The following AGPS variants were observed in gnomAD, a reference collection of about 807,000 sequenced individuals.
The protein encoded by AGPS is alkylglycerone phosphate synthase, also known as alkyldihydroxyacetonephosphate synthase, peroxisomal.
Under a neutral mutation model 90.7 loss-of-function variants are expected in AGPS, and 26 were observed. The ratio of observed to expected loss-of-function variants is 0.29; its 90% CI spans 0.21 to 0.40. The LOEUF (loss-of-function observed/expected upper bound fraction) is 0.40, where lower values mean the gene tolerates loss of function less well. Ranked by LOEUF, AGPS falls within the 10% of genes least tolerant of loss-of-function variation. AGPS has a pLI of 1.00. For missense variants in AGPS, 540 were observed against 816.1 expected (o/e 0.66, Z 4.12); for synonymous variants, 294 against 285.3 (o/e 1.03, Z -0.31).
intron 11 of AGPS, among the ~76,000 whole-genome samples, chr2:177,482,452 A>G (rs1687972857): frequency 6.6e-6 from 1 of 151,948 alleles, no homozygotes; most frequent in Non-Finnish European, 1.5e-5. Flanking sequence ...AAGCCAAGGT[A>G]AGATAGTACT....
chr2:177,442,514 A>C, intron 7 of AGPS, 28 bp downstream of exon 7: 1 of 1,529,970 alleles, frequency 6.5e-7, no homozygotes, highest in Non-Finnish European at 9.1e-7. Context: ...ATATATTTAA[A>C]ACATTTTCTT....
chr2:177,400,153 T>G (rs960296854), intron 1 of AGPS, among the ~76,000 whole-genome samples: 7 of 152,230 alleles, frequency 4.6e-5, no homozygotes, highest in Non-Finnish European at 8.8e-5. Flanking sequence ...TTACTTTTCT[T>G]AAGTACATCA....
intron 17 of AGPS, among the ~76,000 whole-genome samples, chr2:177,520,546 ATG>A (rs1352651452): frequency 6.6e-6 from 1 of 152,180 alleles, no homozygotes; most frequent in Non-Finnish European, 1.5e-5. Flanking sequence ...GCAGTACAAA[ATG>A]TAGTTTTCAC....
chr2:177,432,282 T>C (rs991571232), intron 2 of AGPS, among the ~76,000 whole-genome samples: 34 of 152,386 alleles, frequency 2.2e-4, no homozygotes, highest in Middle Eastern at 3.4e-3. Context: ...TCTCACCTTA[T>C]ATTTTACAAC....
chr2:177,395,565 G>A (rs1360389938), intron 1 of AGPS, among the ~76,000 whole-genome samples: 1 of 152,248 alleles, frequency 6.6e-6, no homozygotes, highest in Non-Finnish European at 1.5e-5. Context: ...AGGAACCCAA[G>A]TCTCCCTTCT....
At chr2:177,397,446 G>T (rs1383500163) in intron 1 of AGPS, among the ~76,000 whole-genome samples, 1 of 148,480 alleles carries the variant, frequency 6.7e-6, no homozygotes, top group Non-Finnish European at 1.5e-5. Context: ...ACACTTTTAC[G>T]TCTTGGTTTT....
chr2:177,517,225 ATATATAT>A (rs1236193789), intron 17 of AGPS, among the ~76,000 whole-genome samples: 1 of 152,130 alleles, frequency 6.6e-6, no homozygotes, highest in South Asian at 2.1e-4. Flanking sequence ...GAAAGCTCAG[ATATATAT>A]TATATATATG....
In AGPS at chr2:177,540,804, A is replaced by G. The variant is rs377185256; in HGVS notation, c.*2609A>G. The G allele has an allele frequency of 3.3e-5, 5 of 152,240 alleles. No homozygotes were observed. The highest frequency in any genetic ancestry group is 1.2e-4 in the African/African-American group (5 of 41,568). 9.4% of individuals were successfully genotyped at this position (152,240 alleles called of 1,614,324 possible). A position where few individuals can be genotyped will look rare whatever the true frequency, so the allele number is the denominator to read the frequency against. ...CATTTGGGTTGGGGTTTCAGTGGGA[A>G]TAGTAACTTGCCGCTAGTGAGAAAT... On this transcript the variant is annotated 3_prime_UTR_variant, in exon 20 of 20. Transcript: ENST00000264167.
Position 177,538,241 on chromosome 2 carries a change from TTTCAACTGTGG to T in AGPS, c.*49_*59del. The T allele has an allele frequency of 6.3e-7, 1 of 1,580,732 alleles. No homozygotes were observed. On this transcript the variant is annotated 3_prime_UTR_variant, in exon 20 of 20. Transcript: ENST00000264167. ...AAAAATGTCAATTTTTTTTTTAAGT[TTTCAACTGTGG>T]TTATACTAGTAATCAAATATATCAT...
At chr2:177,517,499 C>G (rs1039049593) in intron 17 of AGPS, among the ~76,000 whole-genome samples, 1 of 152,024 alleles carries the variant, frequency 6.6e-6, no homozygotes, top group African/African-American at 2.4e-5. Context: ...CTTTTAACTT[C>G]GAGGGAGTTT....
At chr2:177,448,335 T>G (rs1027994203) in intron 8 of AGPS, among the ~76,000 whole-genome samples, 7 of 152,190 alleles carry the variant, frequency 4.6e-5, no homozygotes, top group African/African-American at 1.4e-4. Flanking sequence ...TTCCACTAAT[T>G]TTTATTGAGC....
At chr2:177,410,892 G>A (rs1471020073) in intron 1 of AGPS, among the ~76,000 whole-genome samples, 3 of 152,162 alleles carry the variant, frequency 2.0e-5, no homozygotes, top group Non-Finnish European at 4.4e-5. Flanking sequence ...GGGCCTTCCA[G>A]TGATTCCCTT....
intron 1 of AGPS, among the ~76,000 whole-genome samples, chr2:177,408,453 C>A (rs991619621): frequency 1.3e-5 from 2 of 152,156 alleles, no homozygotes; most frequent in Non-Finnish European, 2.9e-5. Flanking sequence ...ATCAAACTTC[C>A]TAAAATTTGC....
At chr2:177,480,296 T>G (rs1687905140) in intron 10 of AGPS, among the ~76,000 whole-genome samples, 2 of 152,176 alleles carry the variant, frequency 1.3e-5, no homozygotes, top group South Asian at 4.2e-4. Context: ...AGTGCAGCAC[T>G]ATTCACAATA....
chr2:177,480,310 A>G (rs1687905499), intron 10 of AGPS, among the ~76,000 whole-genome samples: 1 of 152,036 alleles, frequency 6.6e-6, no homozygotes, highest in South Asian at 2.1e-4. Flanking sequence ...CACAATAGCA[A>G]AGACTTGGAA....
intron 11 of AGPS, among the ~76,000 whole-genome samples, chr2:177,483,504 GCTAGA>G (rs1274125847): frequency 1.3e-5 from 2 of 152,112 alleles, no homozygotes; most frequent in Non-Finnish European, 2.9e-5. Flanking sequence ...GATCTTGATT[GCTAGA>G]CTACTCCTGG....
intron 10 of AGPS, among the ~76,000 whole-genome samples, chr2:177,472,201 A>G: frequency 6.9e-6 from 1 of 145,836 alleles, no homozygotes; most frequent in Non-Finnish European, 1.5e-5. Context: ...TTTCCATTTC[A>G]GTCACTTTTT....
At chr2:177,505,655 T>C in intron 15 of AGPS, 80 bp downstream of exon 15, 2 of 1,283,726 alleles carry the variant, frequency 1.6e-6, no homozygotes, top group Non-Finnish European at 2.2e-6. Flanking sequence ...AATGCAATTG[T>C]CTTCCCTATT....
intron 17 of AGPS, among the ~76,000 whole-genome samples, chr2:177,520,751 A>C (rs1230635079): frequency 6.6e-6 from 1 of 152,218 alleles, no homozygotes; most frequent in Non-Finnish European, 1.5e-5. Context: ...TATTGTCAAG[A>C]TATGTATGTT....
Sources: gnomAD v4.1 joint callset for allele counts (sites outside exome capture counted in the v4.1 genomes callset) on GRCh38, gnomAD v4.1.1 for gene constraint, MANE v1.5 for transcripts, NCBI Gene and HGNC (gene_info 2026-07-23, HGNC 2026-07-21) for gene names.